The following FAS variants were observed in gnomAD, a reference collection of about 807,000 sequenced individuals.
FAS encodes the protein Fas cell surface death receptor.
A neutral mutation model predicts 33.2 loss-of-function variants in FAS; 5 were observed. That is an observed-to-expected ratio of 0.15 (90% confidence interval 0.08 to 0.32). The LOEUF (loss-of-function observed/expected upper bound fraction) is 0.32. Ranked by LOEUF, FAS falls within the 10% of genes least tolerant of loss-of-function variation. The pLI, the probability that FAS is intolerant of heterozygous loss-of-function variation, is 1.00. For missense variants in FAS, 339 were observed against 386.0 expected, an observed-to-expected ratio of 0.88 and a Z score of 1.02; for synonymous variants, 131 against 130.7, an observed-to-expected ratio of 1.00 and a Z score of -0.01.
At chr10:88,986,943 T>C (rs1254847492), upstream of FAS, among the ~76,000 whole-genome samples, 1 of 152,238 alleles carries the variant, frequency 6.6e-6, no homozygotes, top group Non-Finnish European at 1.5e-5. Flanking sequence ...GTGATTTGCA[T>C]ATGTCATTTC....
chr10:88,970,005 A>C (rs920911704), intron 1 of FAS, among the ~76,000 whole-genome samples: 1 of 152,246 alleles, frequency 6.6e-6, no homozygotes, highest in Non-Finnish European at 1.5e-5. Flanking sequence ...AAAATTGCTC[A>C]TGGCAGACGT....
Position 89,016,841 on chromosome 10 carries a change from G to A in FAS, c.*2391G>A. The A allele has an allele frequency of 4.8e-6, 1 of 208,194 alleles. No individual in the cohort carries two copies. Among genetic ancestry groups the A allele is most frequent in the Admixed American group, 5.9e-5 (1 of 16,908 alleles). 12.9% of individuals were successfully genotyped at this position (208,194 alleles called of 1,614,324 possible). A position where few individuals can be genotyped will look rare whatever the true frequency, so the allele number is the denominator to read the frequency against. ...ACATCTTGGTCTTCTTTATTGGCAT[G>A]CCCACAGGGTCTTCTGACCTCTGAT... On this transcript the variant is annotated 3_prime_UTR_variant, in exon 9 of 9. Coordinates refer to ENST00000652046, the MANE Select transcript of FAS (RefSeq NM_000043.6).
At chr10:88,973,461 C>T (rs1023151285) in intron 2 of FAS, 14 of 908,116 alleles carry the variant, frequency 1.5e-5, no homozygotes, top group Admixed American at 3.6e-5. Flanking sequence ...AAGAAAAACA[C>T]GTCATTTCAT....
upstream of FAS, among the ~76,000 whole-genome samples, chr10:88,984,611 C>T (rs74543148): frequency 7.6e-3 from 1,154 of 151,968 alleles, 9 homozygotes; most frequent in African/African-American, 0.026. Context: ...TGCTTTAATA[C>T]ACTAAGGGAA....
At chr10:89,011,280 G>A (rs1242594055) in intron 6 of FAS, among the ~76,000 whole-genome samples, 2 of 152,192 alleles carry the variant, frequency 1.3e-5, no homozygotes, top group African/African-American at 2.4e-5. Context: ...GGGGACACAT[G>A]TTATACAAAG....
intron 1 of FAS, among the ~76,000 whole-genome samples, chr10:89,000,665 C>T (rs1443284498): frequency 1.3e-5 from 2 of 152,038 alleles, no homozygotes; most frequent in Non-Finnish European, 2.9e-5. Flanking sequence ...ACCGTTATAC[C>T]CCCTCATCAA....
chr10:88,991,982 TCCG>T (rs896487193), intron 1 of FAS, among the ~76,000 whole-genome samples: 1 of 152,156 alleles, frequency 6.6e-6, no homozygotes, highest in African/African-American at 2.4e-5. Context: ...AAATGTGATC[TCCG>T]CGGATTCTCA....
chr10:89,005,394 C>A (rs1361028615), intron 2 of FAS, among the ~76,000 whole-genome samples: 3 of 151,770 alleles, frequency 2.0e-5, no homozygotes. Context: ...AAGTGATTTC[C>A]TATGTAAATT....
intron 1 of FAS, among the ~76,000 whole-genome samples, chr10:88,966,324 C>T (rs1051931871): frequency 6.6e-6 from 1 of 152,142 alleles, no homozygotes; most frequent in Non-Finnish European, 1.5e-5. Flanking sequence ...GATTTATAGA[C>T]AGGGAAGGGG....
intron 2 of FAS, among the ~76,000 whole-genome samples, chr10:89,006,697 T>C (rs1848247976): frequency 6.6e-6 from 1 of 152,180 alleles, no homozygotes; most frequent in Admixed American, 6.5e-5. Context: ...TTGTGTATTG[T>C]CTGCCTGCAT....
upstream of FAS, among the ~76,000 whole-genome samples, chr10:88,988,416 G>GA (rs1846974761): frequency 1.6e-4 from 2 of 12,482 alleles, no homozygotes; most frequent in Non-Finnish European, 2.5e-4. Flanking sequence ...AGATGTAGAA[G>GA]TTTTTTTTTT....
intron 2 of FAS, among the ~76,000 whole-genome samples, chr10:88,980,990 G>T (rs182767910): frequency 6.6e-6 from 1 of 152,212 alleles, no homozygotes; most frequent in East Asian, 1.9e-4. Flanking sequence ...TGAAAAGTGG[G>T]ATTTGGACTA....
chr10:89,015,793 T>G lies in FAS; in HGVS notation c.*1343T>G. 2 of 466,412 alleles carry G rather than the reference T, an allele frequency of 4.3e-6. No individual in the cohort carries two copies. The highest frequency in any genetic ancestry group is 8.2e-6 in the Non-Finnish European group (2 of 244,330). 28.9% of individuals were successfully genotyped at this position (466,412 alleles called of 1,614,324 possible). A position where few individuals can be genotyped will look rare whatever the true frequency, so the allele number is the denominator to read the frequency against. ...TAAATAATGTTTTTGGTATTTCTGG[T>G]TTTCTCTTTTTTGGTAGGGGCTTGC... is the stretch of plus-strand genomic sequence containing the variant. On this transcript the variant is annotated 3_prime_UTR_variant, in exon 9 of 9. Transcript: ENST00000652046.
rs977265420 is a variant in FAS at position 89,015,403 on chromosome 10, TAG to T, written c.*955_*956del. On this transcript the variant is annotated 3_prime_UTR_variant, in exon 9 of 9. Transcript: ENST00000652046. Reference sequence around the variant, plus strand: ...ATGTTTGCAATCAAAGATGATAAAATAGATTCTTATTTTTCCCCCACCCCCGA... The same window carrying T: ...ATGTTTGCAATCAAAGATGATAAAATATTCTTATTTTTCCCCCACCCCCGA... The T allele has an allele frequency of 1.3e-5, 7 of 531,266 alleles. No individual in the cohort carries two copies. The highest frequency in any genetic ancestry group is 1.1e-4 in the African/African-American group (6 of 53,736). 32.9% of individuals were successfully genotyped at this position (531,266 alleles called of 1,614,324 possible). A position where few individuals can be genotyped will look rare whatever the true frequency, so the allele number is the denominator to read the frequency against.
intron 2 of FAS, among the ~76,000 whole-genome samples, chr10:88,975,512 A>G (rs1342971557): frequency 1.3e-5 from 2 of 152,194 alleles, no homozygotes; most frequent in Non-Finnish European, 2.9e-5. Context: ...CAGGTGGAAC[A>G]GTAGAGATGG....
chr10:88,966,440 T>C (rs2133311194), intron 1 of FAS, among the ~76,000 whole-genome samples: 1 of 152,326 alleles, frequency 6.6e-6, no homozygotes, highest in Non-Finnish European at 1.5e-5. Flanking sequence ...TTGTAATCTA[T>C]AAGTGTGTGG....
upstream of FAS, among the ~76,000 whole-genome samples, chr10:88,981,834 C>T (rs576992875): frequency 6.6e-5 from 10 of 152,098 alleles, no homozygotes; most frequent in East Asian, 5.8e-4. Context: ...TGAGGCAAAC[C>T]GTCCCATTCA....
At chr10:88,978,738 G>A (rs1249425872) in intron 2 of FAS, among the ~76,000 whole-genome samples, 2 of 152,042 alleles carry the variant, frequency 1.3e-5, no homozygotes, top group Non-Finnish European at 1.5e-5. Context: ...CCCTGAGAGG[G>A]GGAGTTTATT....
intron 1 of FAS, chr10:89,002,826 G>A: frequency 1.7e-6 from 1 of 580,968 alleles, no homozygotes; most frequent in Non-Finnish European, 3.1e-6. Flanking sequence ...TGTTTCTAGT[G>A]TGGTTTGAAG....
Sources: allele counts gnomAD v4.1 joint callset (sites outside exome capture counted in the v4.1 genomes callset), GRCh38; gene constraint gnomAD v4.1.1; transcripts MANE v1.5; gene names NCBI Gene and HGNC (gene_info 2026-07-23, HGNC 2026-07-21).